ST3GAL1: variants seen among roughly 807,000 people sequenced by gnomAD.
The protein encoded by ST3GAL1 is ST3 beta-galactoside alpha-2,3-sialyltransferase 1.
In ST3GAL1, 16 loss-of-function variants were observed where a neutral mutation model predicts 34.1. The observed-to-expected ratio is 0.47, with a 90% confidence interval of 0.32 to 0.71. The LOEUF (loss-of-function observed/expected upper bound fraction) is 0.71, where lower values mean the gene tolerates loss of function less well. Among genes scored for constraint, ST3GAL1 ranks in the 30% least tolerant of loss-of-function variants. The pLI is 0.04. For missense variants in ST3GAL1, 353 were observed against 447.4 expected (o/e 0.79, Z 1.90); for synonymous variants, 191 against 184.7 (o/e 1.03, Z -0.28).
chr8:133,562,846 C>CTT (rs1563744709), intron 1 of ST3GAL1, among the ~76,000 whole-genome samples: 10 of 56,362 alleles, frequency 1.8e-4, no homozygotes, highest in African/African-American at 4.2e-4. Context: ...TCCTTCCTTT[C>CTT]TTTCTTTTTT....
Position 133,541,116 on chromosome 8 carries a change from T to TAGAGAGAGAGAGAGAGAG in ST3GAL1, c.-429+4657_-429+4658insCTCTCTCTCTCTCTCTCT, listed in dbSNP as rs1287760256. Among the ~76,000 whole-genome samples, 322 of 48,472 alleles carry TAGAGAGAGAGAGAGAGAG rather than the reference T, an allele frequency of 6.6e-3. 27 individuals are homozygous for TAGAGAGAGAGAGAGAGAG. Among genetic ancestry groups the TAGAGAGAGAGAGAGAGAG allele is most frequent in the Middle Eastern group, 0.038 (2 of 52 alleles). The allele number at this position is 48,472 out of a possible 152,430, so 31.8% of individuals were successfully genotyped here. A position where few individuals can be genotyped will look rare whatever the true frequency, so the allele number is the denominator to read the frequency against. On this transcript the variant is annotated intron_variant, in intron 2 of 9. Coordinates refer to ENST00000522652, the MANE Select transcript of ST3GAL1 (RefSeq NM_173344.3). ...ATAAACATATATATATATATATATA[T>TAGAGAGAGAGAGAGAGAG]ATATAGAGAGAGAGAGAGAGAGAGA...
chr8:133,566,520 C>T (rs1468578641), intron 1 of ST3GAL1, among the ~76,000 whole-genome samples: 2 of 152,110 alleles, frequency 1.3e-5, no homozygotes, highest in Admixed American at 1.3e-4. Context: ...CTCCTGGGGG[C>T]CCTGCATCCC....
intron 3 of ST3GAL1, among the ~76,000 whole-genome samples, chr8:133,497,036 G>C (rs1816971424): frequency 6.6e-6 from 1 of 152,182 alleles, no homozygotes; most frequent in South Asian, 2.1e-4. Flanking sequence ...ACCACCCTGT[G>C]ATGAAGGAGG....
rs766612723 is a variant in ST3GAL1 at position 133,465,907 on chromosome 8, C to T, written c.490G>A (p.Asp164Asn). The part of the protein sequence containing the change: ...SSYGPEIDSH[D>N]FVLRMNKAPT... ...TCTGGCACTCACCTGAGGACAAAGT[C>T]GTGACTGTCTATCTCAGGCCCATAA... Residue 164 changes from aspartate to asparagine, a missense_variant, in exon 6 of 10, where the codon GAC becomes AAC. Coordinates refer to ENST00000522652, the MANE Select transcript of ST3GAL1 (RefSeq NM_173344.3). 13 of 1,613,680 alleles carry T rather than the reference C, an allele frequency of 8.1e-6. No homozygotes were observed. The highest frequency in any genetic ancestry group is 6.7e-5 in the African/African-American group (5 of 74,928).
intron 2 of ST3GAL1, among the ~76,000 whole-genome samples, chr8:133,520,543 C>T (rs1188807371): frequency 6.6e-6 from 1 of 152,136 alleles, no homozygotes; most frequent in African/African-American, 2.4e-5. Context: ...GGTTTGGACC[C>T]CTGTTCAGCA....
In ST3GAL1 at chr8:133,475,951, A is replaced by C; in HGVS notation, c.74T>G (p.Phe25Cys). ...CACCATGGTGTGGGAGTAGTTCAGG[A>C]AGAAGGAGGTGAGGAAGATGAAGAG... ...LVLFIFLTSF[F>C]LNYSHTMVAT... The change falls in exon 5 of 10, where the codon TTC becomes TGC. Residue 25 changes from phenylalanine (F) to cysteine (C), a missense_variant. By Grantham distance (205) the Phe-to-Cys change is radical. Transcript: ENST00000522652. 4 of 1,613,946 alleles carry C rather than the reference A, an allele frequency of 2.5e-6. No homozygotes were observed. The highest frequency in any genetic ancestry group is 3.4e-6 in the Non-Finnish European group (4 of 1,179,976).
chr8:133,561,498 T>C (rs1819220722), intron 1 of ST3GAL1, among the ~76,000 whole-genome samples: 1 of 152,120 alleles, frequency 6.6e-6, no homozygotes, highest in Admixed American at 6.6e-5. Flanking sequence ...CAGCTTGTGG[T>C]TCCGGTTCAC....
intron 2 of ST3GAL1, among the ~76,000 whole-genome samples, chr8:133,530,159 T>G (rs983597025): frequency 1.3e-5 from 2 of 152,068 alleles, no homozygotes; most frequent in South Asian, 2.1e-4. Flanking sequence ...GGGGGTGACA[T>G]GGTGGGTCTT....
At chr8:133,549,760 C>T (rs1484413076) in intron 1 of ST3GAL1, among the ~76,000 whole-genome samples, 1 of 152,026 alleles carries the variant, frequency 6.6e-6, no homozygotes. Context: ...GTCGGAGGTT[C>T]GAGACCAACC....
At chr8:133,479,068 C>A (rs1466609366) in intron 3 of ST3GAL1, among the ~76,000 whole-genome samples, 3 of 152,230 alleles carry the variant, frequency 2.0e-5, no homozygotes, top group Non-Finnish European at 4.4e-5. Flanking sequence ...CCCTTCCGAA[C>A]CATCCCTTCA....
At chr8:133,486,930 C>A (rs1167866158) in intron 3 of ST3GAL1, among the ~76,000 whole-genome samples, 1 of 152,188 alleles carries the variant, frequency 6.6e-6, no homozygotes, top group Non-Finnish European at 1.5e-5. Flanking sequence ...ATTGGTTAGT[C>A]CTGAGAGTCA....
At chr8:133,527,969 G>A (rs540130940) in intron 2 of ST3GAL1, among the ~76,000 whole-genome samples, 3 of 151,382 alleles carry the variant, frequency 2.0e-5, no homozygotes, top group African/African-American at 7.3e-5. Flanking sequence ...TCAAGAGATT[G>A]AGAGTATCCT....
chr8:133,481,816 G>A (rs1161874656), intron 3 of ST3GAL1, among the ~76,000 whole-genome samples: 2 of 151,762 alleles, frequency 1.3e-5, no homozygotes, highest in African/African-American at 2.4e-5. Flanking sequence ...TTCATCTGCT[G>A]TTTTCTGCTT....
Position 133,499,125 on chromosome 8 carries a change from T to C in ST3GAL1, c.-374+10A>G, listed in dbSNP as rs1041512805. The stretch of plus-strand genomic sequence containing the variant: ...GAGAGCTGGGTTCGAATCCCAGCTC[T>C]GCCACTTACCGGCTGTGTGACCTCA... On this transcript the variant is annotated intron_variant, in intron 3 of 9. Transcript: ENST00000522652. 2 of 152,246 alleles carry C rather than the reference T, an allele frequency of 1.3e-5. No individual in the cohort carries two copies. The highest frequency in any genetic ancestry group is 4.8e-5 in the African/African-American group (2 of 41,468). The allele number at this position is 152,246 out of a possible 1,614,324, so 9.4% of individuals were successfully genotyped here.
At position 133,466,753 on chromosome 8, in the gene ST3GAL1, C is replaced by G. The variant is rs1366202471; in HGVS notation, c.307-663G>C. ...GCCAGATTGAAGAATCAGCAGTTTG[C>G]TGGATGCACAAGGCTTCTGCGATCT... is the stretch of plus-strand genomic sequence containing the variant. On this transcript the variant is annotated intron_variant, in intron 5 of 9. Transcript: ENST00000522652. The surrounding 1 kb of genome is among the most constrained non-coding windows in gnomAD (Gnocchi z 4.4). 2.0e-5 allele frequency among the ~76,000 whole-genome samples: 3 copies of G among 152,346 alleles called. No individual in the cohort carries two copies. The East Asian group carries it at 5.8e-4, about 29-fold the overall frequency.
chr8:133,548,376 G>A (rs953275417), intron 1 of ST3GAL1, among the ~76,000 whole-genome samples: 1 of 152,152 alleles, frequency 6.6e-6, no homozygotes, highest in African/African-American at 2.4e-5. Context: ...CCACTTCACA[G>A]AGACATCTTC....
chr8:133,520,775 T>G (rs1352156325), intron 2 of ST3GAL1, among the ~76,000 whole-genome samples: 2 of 25,520 alleles, frequency 7.8e-5, no homozygotes, highest in African/African-American at 5.1e-4. Flanking sequence ...TTTTGTGGGT[T>G]TTTTTTTTTT....
chr8:133,566,021 A>G (rs1227434366), intron 1 of ST3GAL1, among the ~76,000 whole-genome samples: 4 of 152,254 alleles, frequency 2.6e-5, no homozygotes, highest in Non-Finnish European at 5.9e-5. Context: ...CCTGCTGGCC[A>G]GCCAGGCCAC....
At chr8:133,505,014 ACT>A (rs1369385666) in intron 2 of ST3GAL1, among the ~76,000 whole-genome samples, 2 of 152,132 alleles carry the variant, frequency 1.3e-5, no homozygotes, top group Non-Finnish European at 1.5e-5. Flanking sequence ...AGACGGGCTA[ACT>A]CTGCAGACAC....
Sources: allele counts gnomAD v4.1 joint callset (sites outside exome capture counted in the v4.1 genomes callset), GRCh38; gene constraint gnomAD v4.1.1; non-coding constraint Gnocchi (gnomAD v3.1); transcripts MANE v1.5; gene names NCBI Gene and HGNC (gene_info 2026-07-23, HGNC 2026-07-21).